The following PLEKHA5 variants were observed in gnomAD, a reference collection of about 807,000 sequenced individuals.
The protein encoded by PLEKHA5 is pleckstrin homology domain containing A5.
Under a neutral mutation model 181.9 loss-of-function variants are expected in PLEKHA5, and 55 were observed. The observed-to-expected ratio is 0.30, with a 90% CI of 0.24 to 0.38. The LOEUF is 0.38. PLEKHA5 is among the 10% of genes least tolerant of loss of function. The probability of loss-of-function intolerance (pLI) is 1.00; values close to 1 mark genes in which losing one functional copy is unlikely to be tolerated. For missense variants in PLEKHA5, 1,432 were observed against 1,549.5 expected, an observed-to-expected ratio of 0.92 and a Z score of 1.27; for synonymous variants, 535 against 529.4, an observed-to-expected ratio of 1.01 and a Z score of -0.15.
At chr12:19,231,950 G>A (rs1029305361) in intron 3 of PLEKHA5, among the ~76,000 whole-genome samples, 20 of 151,944 alleles carry the variant, frequency 1.3e-4, no homozygotes, top group African/African-American at 4.8e-4. Context: ...CCCAAAGATA[G>A]AGTTTAAATA....
At chr12:19,301,497 TA>T (rs35235110) in intron 15 of PLEKHA5, among the ~76,000 whole-genome samples, 19,252 of 150,108 alleles carry the variant, frequency 0.13, 1,263 homozygotes, top group South Asian at 0.17. Flanking sequence ...GCTACTGAAG[TA>T]AAAAAAAAAT....
At chr12:19,352,615 G>A (rs1374071477) in intron 25 of PLEKHA5, among the ~76,000 whole-genome samples, 1 of 138,130 alleles carries the variant, frequency 7.2e-6, no homozygotes, top group Non-Finnish European at 1.5e-5. Flanking sequence ...AGATGGGTCT[G>A]TGTTGAGCAG....
chr12:19,275,128 A>G (rs777395659), intron 11 of PLEKHA5, 145 bp downstream of exon 11: 4 of 623,000 alleles, frequency 6.4e-6, no homozygotes, highest in Non-Finnish European at 1.1e-5. Context: ...GTTTATAATG[A>G]TCAGATATAA....
At chr12:19,181,315 T>A (rs2048517034) in intron 3 of PLEKHA5, among the ~76,000 whole-genome samples, 1 of 152,190 alleles carries the variant, frequency 6.6e-6, no homozygotes, top group African/African-American at 2.4e-5. Flanking sequence ...GTACCTAAAA[T>A]GTGTTATCTT....
chr12:19,346,368 AGTGGCTCAT>A (rs2094333796), intron 23 of PLEKHA5, among the ~76,000 whole-genome samples: 1 of 151,998 alleles, frequency 6.6e-6, no homozygotes, highest in African/African-American at 2.4e-5. Context: ...GGCCAGGTGC[AGTGGCTCAT>A]GCCTGTAATC....
Position 19,129,747 on chromosome 12 carries a change from C to T in PLEKHA5, c.-53C>T, listed in dbSNP as rs540588305. On this transcript the variant is annotated 5_prime_UTR_variant, in exon 1 of 32. Coordinates refer to ENST00000429027, the MANE Select transcript of PLEKHA5 (RefSeq NM_001256470.2). ...TTCGCTCGCTCGTTCCCTCCTCCCTCGGCAGCCGCGGCGGCAGCAGGAGAA... is the reference window on the plus strand; with the variant it reads ...TTCGCTCGCTCGTTCCCTCCTCCCTTGGCAGCCGCGGCGGCAGCAGGAGAA... 519 of 1,419,810 alleles carry T rather than the reference C, an allele frequency of 3.7e-4. 5 individuals carry two copies. The African/African-American group carries it at 6.8e-3, about 19-fold the overall frequency. 88.0% of individuals were successfully genotyped at this position (1,419,810 alleles called of 1,614,324 possible). A position where few individuals can be genotyped will look rare whatever the true frequency, so the allele number is the denominator to read the frequency against.
intron 3 of PLEKHA5, among the ~76,000 whole-genome samples, chr12:19,133,267 A>G (rs776620281): frequency 1.3e-5 from 2 of 152,032 alleles, no homozygotes; most frequent in East Asian, 1.9e-4. Context: ...TTAATAACTT[A>G]GTACTACTTG....
chr12:19,366,330 T>G (rs915182882), intron 30 of PLEKHA5, among the ~76,000 whole-genome samples: 1 of 152,108 alleles, frequency 6.6e-6, no homozygotes, highest in Admixed American at 6.6e-5. Flanking sequence ...CTTTTTCCTT[T>G]CAATTTTAAC....
intron 3 of PLEKHA5, among the ~76,000 whole-genome samples, chr12:19,199,529 G>C (rs2053704760): frequency 6.6e-6 from 1 of 152,114 alleles, no homozygotes; most frequent in Admixed American, 6.6e-5. Flanking sequence ...CCAGTGGTTG[G>C]TTAAAATTCA....
At chr12:19,326,727 C>G (rs2153069341) in intron 20 of PLEKHA5, among the ~76,000 whole-genome samples, 1 of 152,264 alleles carries the variant, frequency 6.6e-6, no homozygotes, top group South Asian at 2.1e-4. Context: ...CATTCTTTCC[C>G]CACCCACAGT....
intron 8 of PLEKHA5, 36 bp downstream of exon 8, chr12:19,265,886 A>G (rs771013044): frequency 1.4e-5 from 16 of 1,161,268 alleles, no homozygotes; most frequent in Non-Finnish European, 1.9e-5. Flanking sequence ...TCTGTGTTCA[A>G]AACTTGCGTT....
intron 3 of PLEKHA5, among the ~76,000 whole-genome samples, chr12:19,238,287 G>C (rs1281421847): frequency 6.6e-6 from 1 of 152,060 alleles, no homozygotes; most frequent in Non-Finnish European, 1.5e-5. Flanking sequence ...GAATAATATA[G>C]TTAGGTATTG....
At chr12:19,230,484 A>G (rs1013374581) in intron 3 of PLEKHA5, among the ~76,000 whole-genome samples, 3 of 152,178 alleles carry the variant, frequency 2.0e-5, no homozygotes, top group African/African-American at 7.2e-5. Flanking sequence ...GGCGGGCTGC[A>G]GGTCCAGAGC....
At chr12:19,309,362 GAAA>G (rs1182491810) in intron 15 of PLEKHA5, among the ~76,000 whole-genome samples, 1 of 148,544 alleles carries the variant, frequency 6.7e-6, no homozygotes, top group African/African-American at 2.5e-5. Flanking sequence ...CCATCTTAAA[GAAA>G]AAAAAAACTC....
intron 11 of PLEKHA5, among the ~76,000 whole-genome samples, chr12:19,279,392 G>T (rs968175737): frequency 6.6e-6 from 1 of 152,120 alleles, no homozygotes; most frequent in South Asian, 2.1e-4. Flanking sequence ...TGGACCAGGT[G>T]TGGCTCACAC....
chr12:19,348,566 A>G (rs1353243456), intron 25 of PLEKHA5, 47 bp downstream of exon 25: 8 of 1,445,974 alleles, frequency 5.5e-6, no homozygotes, highest in African/African-American at 1.5e-5. Context: ...GTTTTTGAAG[A>G]CAATTTACTG....
intron 10 of PLEKHA5, 65 bp from the exon 11 acceptor site, chr12:19,274,451 G>T: frequency 8.8e-7 from 1 of 1,137,558 alleles, no homozygotes; most frequent in Non-Finnish European, 1.3e-6. Flanking sequence ...TTCCTAGATT[G>T]AATCCCAGAA....
intron 3 of PLEKHA5, among the ~76,000 whole-genome samples, chr12:19,160,156 T>G (rs1414755451): frequency 6.6e-6 from 1 of 152,122 alleles, no homozygotes; most frequent in East Asian, 1.9e-4. Context: ...TATGTTTTAG[T>G]TTTTTCTTTT....
At chr12:19,200,390 T>G in intron 3 of PLEKHA5, 1 of 1,525,238 alleles carries the variant, frequency 6.6e-7, no homozygotes, top group Admixed American at 2.0e-5. Flanking sequence ...AGTATCTGTA[T>G]GCAGGCCTAT....
Sources: gnomAD v4.1 joint callset for allele counts (sites outside exome capture counted in the v4.1 genomes callset) on GRCh38, gnomAD v4.1.1 for gene constraint, MANE v1.5 for transcripts, NCBI Gene and HGNC (gene_info 2026-07-23, HGNC 2026-07-21) for gene names.